GRIK1: variants seen among roughly 807,000 people sequenced by gnomAD.
The protein encoded by GRIK1 is glutamate ionotropic receptor kainate type subunit 1.
GRIK1 carries 69 observed loss-of-function variants against 105.7 expected under a neutral mutation model. The observed-to-expected ratio is 0.65, with a 90% confidence interval of 0.54 to 0.80. The LOEUF (loss-of-function observed/expected upper bound fraction) is 0.80. Ranked by LOEUF, GRIK1 falls within the 30% of genes least tolerant of loss-of-function variation. GRIK1 has a pLI of 0.00. For missense variants in GRIK1, 1,109 were observed against 1,167.3 expected, an observed-to-expected ratio of 0.95 and a Z score of 0.73; for synonymous variants, 438 against 431.3, an observed-to-expected ratio of 1.02 and a Z score of -0.19.
At chr21:29,692,943 T>G (rs978605739) in intron 2 of GRIK1, among the ~76,000 whole-genome samples, 2 of 152,234 alleles carry the variant, frequency 1.3e-5, no homozygotes, top group Non-Finnish European at 2.9e-5. Context: ...AACACTAGAA[T>G]TCTTGCAGGA....
chr21:29,824,491 G>A (rs891430133), intron 1 of GRIK1, among the ~76,000 whole-genome samples: 1 of 151,994 alleles, frequency 6.6e-6, no homozygotes. Flanking sequence ...AAGGATCATT[G>A]TATGGGAAGT....
intron 16 of GRIK1, among the ~76,000 whole-genome samples, chr21:29,538,622 A>G (rs887123323): frequency 6.6e-6 from 1 of 152,170 alleles, no homozygotes; most frequent in Non-Finnish European, 1.5e-5. Flanking sequence ...GGTAAAGGTT[A>G]TAGAAGTGCA....
chr21:29,570,211 C>A (rs190948891), intron 14 of GRIK1, among the ~76,000 whole-genome samples: 3 of 152,142 alleles, frequency 2.0e-5, no homozygotes, highest in East Asian at 3.9e-4. Flanking sequence ...ATTAAAAATT[C>A]TCTTAAATAG....
chr21:29,842,286 T>C (rs2068004698), intron 1 of GRIK1, among the ~76,000 whole-genome samples: 1 of 152,158 alleles, frequency 6.6e-6, no homozygotes. Context: ...TTTCTGTTTA[T>C]TTTCATAGTG....
intron 1 of GRIK1, among the ~76,000 whole-genome samples, chr21:29,765,546 G>C (rs1174889422): frequency 4.0e-5 from 6 of 151,806 alleles, no homozygotes; most frequent in Admixed American, 3.9e-4. Context: ...TTTCTTTCTA[G>C]CCCTAAATTG....
At chr21:29,608,321 T>A (rs2061662993) in intron 7 of GRIK1, among the ~76,000 whole-genome samples, 2 of 152,092 alleles carry the variant, frequency 1.3e-5, no homozygotes, top group South Asian at 4.2e-4. Context: ...AACAGTATAG[T>A]GAATGGCAAA....
chr21:29,784,559 G>C (rs1042112467), intron 1 of GRIK1, among the ~76,000 whole-genome samples: 1 of 151,530 alleles, frequency 6.6e-6, no homozygotes, highest in Non-Finnish European at 1.5e-5. Flanking sequence ...TTCTTCTTTG[G>C]TTAAATTTGG....
intron 15 of GRIK1, among the ~76,000 whole-genome samples, chr21:29,560,690 C>T (rs1190626720): frequency 1.3e-5 from 2 of 150,752 alleles, no homozygotes; most frequent in African/African-American, 4.9e-5. Context: ...CAACCTCCAC[C>T]TCCCGGGTTC....
chr21:29,673,105 T>C lies in GRIK1; in HGVS notation c.604A>G (p.Ile202Val), dbSNP rs773450805. 6.2e-7 allele frequency: 1 copy of C among 1,612,606 alleles called. No homozygotes were observed. The highest frequency in any genetic ancestry group is 8.5e-7 in the Non-Finnish European group (1 of 1,178,722). ...TTATTCCCAGAGGGCAGCTGGCGGATTTTGATTTTAATATTATATCTGGAG... is the reference window on the plus strand; with the variant it reads ...TTATTCCCAGAGGGCAGCTGGCGGACTTTGATTTTAATATTATATCTGGAG... ...APSRYNIKIK[I>V]RQLPSGNKDA... is the part of the protein sequence containing the mutation. The change falls in exon 4 of 18, where the codon ATC becomes GTC. Residue 202 changes from isoleucine (I) to valine (V), a missense_variant. Transcript: ENST00000327783.
intron 5 of GRIK1, among the ~76,000 whole-genome samples, chr21:29,652,709 A>T (rs1205514826): frequency 6.6e-6 from 1 of 152,188 alleles, no homozygotes; most frequent in Non-Finnish European, 1.5e-5. Flanking sequence ...TTCAGAAGAA[A>T]CTCAACTTTC....
At chr21:29,822,225 T>C (rs1225237714) in intron 1 of GRIK1, among the ~76,000 whole-genome samples, 1 of 152,036 alleles carries the variant, frequency 6.6e-6, no homozygotes, top group Non-Finnish European at 1.5e-5. Flanking sequence ...AAGGCAACCA[T>C]AGACAATATG....
intron 1 of GRIK1, among the ~76,000 whole-genome samples, chr21:29,712,083 T>TACACACACACACACACAC (rs56017389): frequency 7.2e-4 from 98 of 135,358 alleles, no homozygotes; most frequent in Non-Finnish European, 9.2e-4. Flanking sequence ...TATACATACA[T>TACACACACACACACACAC]ACACACACAC....
rs112162586 is a variant in GRIK1 at position 29,839,035 on chromosome 21, T to C, written c.118+100348A>G. Among the ~76,000 whole-genome samples the C allele has an allele frequency of 9.1e-3, 1,217 of 133,070 alleles. 18 individuals are homozygous for C. The highest frequency in any genetic ancestry group is 0.034 in the African/African-American group (1,157 of 33,856). 87.3% of individuals were successfully genotyped at this position (133,070 alleles called of 152,430 possible). The stretch of plus-strand genomic sequence containing the variant: ...AAATTAATGAATAAATATCATACTA[T>C]AGGGATTTCTTTTCTTTTCTTTTCT... On this transcript the variant is annotated intron_variant, in intron 1 of 17. Transcript: ENST00000327783.
At chr21:29,727,235 A>T (rs1364025888) in intron 1 of GRIK1, among the ~76,000 whole-genome samples, 1 of 152,110 alleles carries the variant, frequency 6.6e-6, no homozygotes. Flanking sequence ...CTTGGAGTCA[A>T]TTTTTAGAAG....
chr21:29,875,304 G>A (rs955163406), intron 1 of GRIK1, among the ~76,000 whole-genome samples: 3 of 152,044 alleles, frequency 2.0e-5, no homozygotes, highest in Admixed American at 2.0e-4. Context: ...ATTCAGTGAG[G>A]CATTGAAATC....
intron 1 of GRIK1, among the ~76,000 whole-genome samples, chr21:29,709,828 A>G (rs1481337194): frequency 6.6e-6 from 1 of 151,860 alleles, no homozygotes; most frequent in East Asian, 1.9e-4. Context: ...TCACATTATG[A>G]AATACTTTAA....
chr21:29,875,924 G>T (rs532744205), intron 1 of GRIK1, among the ~76,000 whole-genome samples: 15 of 152,234 alleles, frequency 9.9e-5, no homozygotes, highest in South Asian at 2.1e-4. Context: ...ATATCTGTCT[G>T]ATCTCTCAGC....
chr21:29,666,442 AAAG>A (rs1385588831), intron 4 of GRIK1, among the ~76,000 whole-genome samples: 1 of 152,164 alleles, frequency 6.6e-6, no homozygotes, highest in East Asian at 1.9e-4. Context: ...TTAATTAAAA[AAAG>A]AAAGTAACTT....
chr21:29,601,783 G>A (rs1263350538), intron 7 of GRIK1, among the ~76,000 whole-genome samples: 1 of 152,266 alleles, frequency 6.6e-6, no homozygotes, highest in East Asian at 1.9e-4. Flanking sequence ...TTTCAGTTTG[G>A]AAATCCTTAT....
Sources: gnomAD v4.1 joint callset for allele counts (sites outside exome capture counted in the v4.1 genomes callset) on GRCh38, gnomAD v4.1.1 for gene constraint, MANE v1.5 for transcripts, NCBI Gene and HGNC (gene_info 2026-07-23, HGNC 2026-07-21) for gene names.